KXD1: variants seen among roughly 807,000 people sequenced by gnomAD.
The protein encoded by KXD1 is KxDL motif containing 1.
Under a neutral mutation model 12.1 loss-of-function variants are expected in KXD1, and 5 were observed. The observed-to-expected ratio is 0.41, with a 90% confidence interval of 0.22 to 0.87. The LOEUF is 0.87. KXD1 is among the 40% of genes least tolerant of loss of function. KXD1 has a pLI of 0.31. For missense variants in KXD1, 193 were observed against 244.9 expected (o/e 0.79, Z 1.41); for synonymous variants, 98 against 100.5 (o/e 0.98, Z 0.15).
chr19:18,560,714 C>CTT (rs11313029), intron 1 of KXD1, among the ~76,000 whole-genome samples: 4 of 148,014 alleles, frequency 2.7e-5, no homozygotes, highest in African/African-American at 1.0e-4. Context: ...TCTACTCCTT[C>CTT]TTTTTTTTTT....
intron 1 of KXD1, chr19:18,559,995 T>TCCCTCCCC (rs1974865711): frequency 8.1e-6 from 1 of 123,392 alleles, no homozygotes; most frequent in African/African-American, 3.0e-5. Flanking sequence ...CTTCCTTCCC[T>TCCCTCCCC]CCCTCCCTCC....
chr19:18,560,679 G>T (rs950008341), intron 1 of KXD1: 8 of 151,808 alleles, frequency 5.3e-5, no homozygotes, highest in African/African-American at 1.9e-4. Flanking sequence ...CAGACTCCGG[G>T]TCGGGTTCTG....
At chr19:18,561,353 G>C (rs1277171306) in intron 1 of KXD1, 1 of 152,248 alleles carries the variant, frequency 6.6e-6, no homozygotes, top group Non-Finnish European at 1.5e-5. Context: ...AGTAGTTCGA[G>C]ACCAGCCTGG....
Position 18,568,765 on chromosome 19 carries a change from G to C in KXD1, c.*134G>C. On this transcript the variant is annotated 3_prime_UTR_variant, in exon 5 of 5. Coordinates refer to ENST00000222307, the MANE Select transcript of KXD1 (RefSeq NM_024069.4). ...TCACCCAGGGCTCCTAGGGGGACAA[G>C]GCTCTCTCCCGAGGGGTGTGGAATT... 1 of 664,376 alleles carries C rather than the reference G, an allele frequency of 1.5e-6. No homozygotes were observed. Among genetic ancestry groups the C allele is most frequent in the East Asian group, 2.7e-5 (1 of 36,690 alleles). The allele number at this position is 664,376 out of a possible 1,614,324, so 41.2% of individuals were successfully genotyped here.
rs1432899747 is a variant in KXD1 at position 18,565,026 on chromosome 19, G to A, written c.254+5G>A. Reference sequence around the variant, plus strand: ...CAGCATCTTCCGCCGTATCAGGTGGGTGCTCAGTGCCACCCCAGCCCAGCT... The same window carrying A: ...CAGCATCTTCCGCCGTATCAGGTGGATGCTCAGTGCCACCCCAGCCCAGCT... On this transcript the variant is annotated splice_donor_5th_base_variant and intron_variant, in intron 3 of 4. Transcript: ENST00000222307. 12 of 1,569,440 alleles carry A rather than the reference G, an allele frequency of 7.6e-6. No individual in the cohort carries two copies. The highest frequency in any genetic ancestry group is 1.0e-5 in the Non-Finnish European group (12 of 1,169,144).
intron 2 of KXD1, among the ~76,000 whole-genome samples, chr19:18,564,388 G>A (rs546978323): frequency 5.6e-4 from 85 of 152,120 alleles, no homozygotes; most frequent in African/African-American, 2.0e-3. Context: ...TTGGGAGGCC[G>A]AGGTGGGTGG....
rs369079772 is a variant in KXD1, at chr19:18,567,883, T to G, written c.302-519T>G. On this transcript the variant is annotated intron_variant, in intron 4 of 4. Transcript: ENST00000222307. ...TTCGCCCTCAGGGCTCCTGTAGGCC[T>G]AACCCCAGATCTTGTGTCCCTTCCT... Among the ~76,000 whole-genome samples, 310 of 152,308 alleles carry G rather than the reference T, an allele frequency of 2.0e-3. 1 individual carries two copies. Among genetic ancestry groups the G allele is most frequent in the African/African-American group, 7.0e-3 (292 of 41,556 alleles).
intron 4 of KXD1, 115 bp downstream of exon 4, chr19:18,567,293 G>T: frequency 1.8e-6 from 2 of 1,101,990 alleles, no homozygotes; most frequent in Non-Finnish European, 2.7e-6. Flanking sequence ...ATGGGCAGTG[G>T]GTCTGGGGAA....
chr19:18,561,734 C>T, intron 1 of KXD1: 1 of 192,064 alleles, frequency 5.2e-6, no homozygotes, highest in Non-Finnish European at 1.1e-5. Context: ...AGGAAGCTGG[C>T]AGATCTGTGC....
Position 18,568,644 on chromosome 19 carries a change from G to C in KXD1, c.*13G>C. Reference sequence around the variant, plus strand: ...GACGGGCGAATAGCCCTGCTGCCCGGTGCCTTGAGGGGGTCTCAGGGCAGC... The same window carrying C: ...GACGGGCGAATAGCCCTGCTGCCCGCTGCCTTGAGGGGGTCTCAGGGCAGC... On this transcript the variant is annotated 3_prime_UTR_variant, in exon 5 of 5. Transcript: ENST00000222307. 2.5e-6 allele frequency: 4 copies of C among 1,594,354 alleles called. No homozygotes were observed. The highest frequency in any genetic ancestry group is 2.6e-6 in the Non-Finnish European group (3 of 1,170,294).
At chr19:18,560,452 C>A (rs1373388829) in intron 1 of KXD1, 1 of 152,250 alleles carries the variant, frequency 6.6e-6, no homozygotes, top group Non-Finnish European at 1.5e-5. Flanking sequence ...CCTACCCTGG[C>A]TGCTCCGGGA....
At chr19:18,563,366 A>G (rs1229255295) in intron 2 of KXD1, among the ~76,000 whole-genome samples, 31 of 121,498 alleles carry the variant, frequency 2.6e-4, no homozygotes, top group Non-Finnish European at 4.2e-4. Flanking sequence ...TTTTTTTGGG[A>G]GACAGAGTCT....
At chr19:18,562,236 C>G in intron 2 of KXD1, 79 bp downstream of exon 2, 1 of 1,041,914 alleles carries the variant, frequency 9.6e-7, no homozygotes, top group Non-Finnish European at 1.4e-6. Context: ...CGCCCCTACC[C>G]GGGGCCCACA....
At chr19:18,562,564 G>A (rs768884333) in intron 2 of KXD1, among the ~76,000 whole-genome samples, 18 of 152,206 alleles carry the variant, frequency 1.2e-4, no homozygotes, top group Admixed American at 2.0e-4. Flanking sequence ...GAGTTCAAGC[G>A]ATTTCTCCTG....
At chr19:18,564,027 C>T (rs547019384) in intron 2 of KXD1, among the ~76,000 whole-genome samples, 4 of 152,182 alleles carry the variant, frequency 2.6e-5, no homozygotes, top group Admixed American at 2.6e-4. Context: ...GCTGGGATTA[C>T]AGGCGCCCGC....
At chr19:18,564,660 A>G (rs1213032923) in intron 2 of KXD1, among the ~76,000 whole-genome samples, 3 of 152,196 alleles carry the variant, frequency 2.0e-5, no homozygotes, top group African/African-American at 2.4e-5. Context: ...ACAAGGCTAC[A>G]TGAGAAGGAC....
At position 18,568,684 on chromosome 19, in the gene KXD1, C is replaced by A; in HGVS notation, c.*53C>A. On this transcript the variant is annotated 3_prime_UTR_variant, in exon 5 of 5. Coordinates refer to ENST00000222307, the MANE Select transcript of KXD1 (RefSeq NM_024069.4). ...CTCAGGGCAGCAGCATACAAGGTGG[C>A]AGCGGGTAACCCTGCCTTGTTCTGT... 2 of 1,389,910 alleles carry A rather than the reference C, an allele frequency of 1.4e-6. No individual in the cohort carries two copies. Among genetic ancestry groups the A allele is most frequent in the Non-Finnish European group, 2.0e-6 (2 of 999,758 alleles). The allele number at this position is 1,389,910 out of a possible 1,614,324, so 86.1% of individuals were successfully genotyped here.
In KXD1 at chr19:18,569,181, A is replaced by G. The variant is rs1941286724; in HGVS notation, c.*550A>G. On this transcript the variant is annotated 3_prime_UTR_variant, in exon 5 of 5. Transcript: ENST00000222307. ...TGAGACGGAGGCTGGCCATCCATTC[A>G]GCCCTGAGCGTGCTGAGTTCTGTGT... 1 of 158,212 alleles carries G rather than the reference A, an allele frequency of 6.3e-6. No individual in the cohort carries two copies. The highest frequency in any genetic ancestry group is 1.4e-5 in the Non-Finnish European group (1 of 71,088). 9.8% of individuals were successfully genotyped at this position (158,212 alleles called of 1,614,324 possible). A position where few individuals can be genotyped will look rare whatever the true frequency, so the allele number is the denominator to read the frequency against.
Position 18,568,561 on chromosome 19 carries a change from A to G in KXD1, c.461A>G (p.His154Arg), listed in dbSNP as rs201326419. The change falls in exon 5 of 5, where the codon CAT becomes CGT. Residue 154 changes from histidine (H) to arginine (R), a missense_variant. Physicochemically the swap from His to Arg is conservative, Grantham distance 29. Transcript: ENST00000222307. ...AGCCCCGGCTTCGAGGACCTGTCCC[A>G]TGTCCAGCCTGGCTCCCCAGCCATC... is the stretch of plus-strand genomic sequence containing the variant. ...SLSPGFEDLSHVQPGSPAING... is the reference protein window; with the variant it reads ...SLSPGFEDLSRVQPGSPAING... 32 of 1,613,870 alleles carry G rather than the reference A, an allele frequency of 2.0e-5. No individual in the cohort carries two copies. In the East Asian group the frequency reaches 6.2e-4, roughly 31 times the overall value.
Sources: allele counts gnomAD v4.1 joint callset (sites outside exome capture counted in the v4.1 genomes callset), GRCh38; gene constraint gnomAD v4.1.1; transcripts MANE v1.5; gene names NCBI Gene and HGNC (gene_info 2026-07-23, HGNC 2026-07-21).